The following EHMT1 variants were observed in gnomAD, a reference collection of about 807,000 sequenced individuals.
EHMT1 encodes the protein histone-lysine N-methyltransferase EHMT1.
EHMT1 carries 15 observed loss-of-function variants against 147.2 expected under a neutral mutation model. That is an observed-to-expected ratio of 0.10 (90% confidence interval 0.07 to 0.16). EHMT1 has a LOEUF of 0.16. Ranked by LOEUF, EHMT1 falls within the 10% of genes least tolerant of loss-of-function variation. EHMT1 has a pLI of 1.00. For synonymous variants in EHMT1, 795 were observed against 709.6 expected, an observed-to-expected ratio of 1.12 and a Z score of -1.91; for missense variants, 1,587 against 1,772.4, an observed-to-expected ratio of 0.90 and a Z score of 1.88.
chr9:137,799,539 G>C (rs1035278887), intron 17 of EHMT1, among the ~76,000 whole-genome samples: 5 of 152,200 alleles, frequency 3.3e-5, no homozygotes, highest in Admixed American at 2.0e-4. Flanking sequence ...AGGCTTTGAG[G>C]CTGCTCAGCT....
At chr9:137,675,008 A>G (rs889972190) in intron 1 of EHMT1, 7 of 152,206 alleles carry the variant, frequency 4.6e-5, no homozygotes, top group African/African-American at 7.2e-5. Flanking sequence ...TCTGATGCAT[A>G]TTCTTTTTTA....
Position 137,684,652 on chromosome 9 carries a change from C to T in EHMT1, c.22-26315C>T, listed in dbSNP as rs377245930. 7.2e-5 allele frequency among the ~76,000 whole-genome samples: 11 copies of T among 151,998 alleles called. No individual in the cohort carries two copies. In the East Asian group the frequency reaches 1.6e-3, roughly 21 times the overall value. ...GACCACAGGTATGTGCCATTAGGCC[C>T]GGCTAATTTTTTCAATTTTTGGTAG... On this transcript the variant is annotated intron_variant, in intron 1 of 26. Coordinates refer to ENST00000460843, the MANE Select transcript of EHMT1 (RefSeq NM_024757.5).
intron 1 of EHMT1, among the ~76,000 whole-genome samples, chr9:137,681,704 G>A (rs530414527): frequency 6.6e-6 from 1 of 151,990 alleles, no homozygotes; most frequent in African/African-American, 2.4e-5. Context: ...AGCTGGTGCC[G>A]AGGCATCCGA....
chr9:137,802,252 A>G (rs4876900), intron 18 of EHMT1, among the ~76,000 whole-genome samples: 142,653 of 152,228 alleles, frequency 0.94, 66,869 homozygotes, highest in East Asian at 1. Flanking sequence ...GCATAGACAC[A>G]CTGCAGCCCA....
intron 12 of EHMT1, chr9:137,777,190 G>A: frequency 3.2e-6 from 1 of 311,696 alleles, no homozygotes; most frequent in Non-Finnish European, 6.1e-6. Flanking sequence ...CGAGTTCTGT[G>A]GTATTAAGGT....
chr9:137,821,974 A>C (rs943293739), intron 25 of EHMT1, among the ~76,000 whole-genome samples: 2 of 152,220 alleles, frequency 1.3e-5, no homozygotes, highest in African/African-American at 2.4e-5. Context: ...ACAGTAAAAC[A>C]AACTACTTTC....
chr9:137,814,298 ACACT>A, intron 21 of EHMT1, 129 bp from the exon 22 acceptor site: 4 of 927,440 alleles, frequency 4.3e-6, no homozygotes, highest in Non-Finnish European at 5.2e-6. Context: ...AAGAGGCCAC[ACACT>A]CACGTGGTGC....
intron 10 of EHMT1, among the ~76,000 whole-genome samples, chr9:137,765,761 A>C (rs906860049): frequency 1.3e-5 from 2 of 150,534 alleles, no homozygotes; most frequent in African/African-American, 4.9e-5. Context: ...GCCCACTTCC[A>C]GGGTCAGTTT....
chr9:137,772,126 G>A (rs971123602), intron 10 of EHMT1, among the ~76,000 whole-genome samples: 1 of 152,100 alleles, frequency 6.6e-6, no homozygotes, highest in Non-Finnish European at 1.5e-5. Context: ...GTTATATGAA[G>A]TATGATTTGT....
intron 2 of EHMT1, among the ~76,000 whole-genome samples, chr9:137,712,069 C>CCCACCTCCTGCGCCAT (rs1210770550): frequency 1.3e-5 from 2 of 152,344 alleles, no homozygotes; most frequent in East Asian, 1.9e-4. Context: ...CAGGGTTGCC[C>CCCACCTCCTGCGCCAT]CCACCTCCTG....
intron 25 of EHMT1, among the ~76,000 whole-genome samples, chr9:137,833,565 A>G (rs893922985): frequency 6.6e-6 from 1 of 152,312 alleles, no homozygotes; most frequent in Admixed American, 6.5e-5. Context: ...GTCTCCAGAG[A>G]GAATTGCTTT....
intron 2 of EHMT1, among the ~76,000 whole-genome samples, chr9:137,712,484 G>A (rs1206678889): frequency 2.6e-5 from 4 of 152,142 alleles, no homozygotes; most frequent in East Asian, 1.9e-4. Flanking sequence ...CTGTCCTGGC[G>A]GGTGGGAAGT....
At chr9:137,751,150 A>G (rs1053986035) in intron 6 of EHMT1, among the ~76,000 whole-genome samples, 3 of 152,258 alleles carry the variant, frequency 2.0e-5, no homozygotes, top group Non-Finnish European at 4.4e-5. Flanking sequence ...TCAATATAAA[A>G]TATTGAACTA....
chr9:137,820,173 G>C (rs549364281), intron 25 of EHMT1: 2 of 152,380 alleles, frequency 1.3e-5, no homozygotes, highest in African/African-American at 4.8e-5. Context: ...TCTAAGAAGT[G>C]ACTGTTGGTG....
intron 18 of EHMT1, among the ~76,000 whole-genome samples, chr9:137,803,838 A>C (rs80127152): frequency 7.6e-6 from 1 of 130,846 alleles, no homozygotes; most frequent in Non-Finnish European, 1.6e-5. Flanking sequence ...CTCAAAAATT[A>C]AAAAAAAAAA....
chr9:137,760,193 C>T (rs994194326), intron 9 of EHMT1, among the ~76,000 whole-genome samples: 1 of 152,078 alleles, frequency 6.6e-6, no homozygotes, highest in South Asian at 2.1e-4. Context: ...TCAGTCAGTT[C>T]GTTTGATGTC....
intron 18 of EHMT1, chr9:137,802,981 G>A: frequency 8.1e-7 from 1 of 1,232,360 alleles, no homozygotes; most frequent in Non-Finnish European, 1.0e-6. Flanking sequence ...GGGAAGCAAA[G>A]GCAGAGAACA....
intron 1 of EHMT1, chr9:137,675,984 C>T (rs949309358): frequency 6.6e-6 from 1 of 151,046 alleles, no homozygotes; most frequent in African/African-American, 2.4e-5. Flanking sequence ...GGGGTTTCAC[C>T]GTTTTTAGCC....
intron 16 of EHMT1, among the ~76,000 whole-genome samples, chr9:137,793,807 A>G (rs1437624592): frequency 1.3e-5 from 2 of 152,206 alleles, no homozygotes; most frequent in Non-Finnish European, 2.9e-5. Context: ...ATCCTGTACG[A>G]TGTGACCGAT....
Sources: allele counts gnomAD v4.1 joint callset (sites outside exome capture counted in the v4.1 genomes callset), GRCh38; gene constraint gnomAD v4.1.1; transcripts MANE v1.5; gene names NCBI Gene and HGNC (gene_info 2026-07-23, HGNC 2026-07-21).